PDE4A: variants seen among roughly 807,000 people sequenced by gnomAD.
PDE4A encodes the protein phosphodiesterase 4A.
Under a neutral mutation model 73.9 loss-of-function variants are expected in PDE4A, and 21 were observed. That is an observed-to-expected ratio of 0.28 (90% confidence interval 0.20 to 0.41). The LOEUF is 0.41. Among genes scored for constraint, PDE4A ranks in the 10% least tolerant of loss-of-function variants. The pLI, the probability that PDE4A is intolerant of heterozygous loss-of-function variation, is 1.00. For missense variants in PDE4A, 958 were observed against 1,211.4 expected (o/e 0.79, Z 3.10); for synonymous variants, 463 against 505.4 (o/e 0.92, Z 1.13).
intron 5 of PDE4A, 71 bp downstream of exon 5, chr19:10,450,723 C>A: frequency 6.3e-7 from 1 of 1,586,530 alleles, no homozygotes; most frequent in East Asian, 2.3e-5. Flanking sequence ...GCCCCTTCCC[C>A]ACCCAGCAGT....
At chr19:10,426,817 G>A (rs11882255) in intron 1 of PDE4A, among the ~76,000 whole-genome samples, 15,928 of 150,462 alleles carry the variant, frequency 0.11, 1,010 homozygotes, top group South Asian at 0.21. Flanking sequence ...GCAGTGAGCC[G>A]AGATTGCGCC....
At chr19:10,443,544 CAAA>C (rs58920826) in intron 1 of PDE4A, among the ~76,000 whole-genome samples, 3,984 of 120,906 alleles carry the variant, frequency 0.033, 175 homozygotes, top group African/African-American at 0.11. Context: ...GACCCTGTCT[CAAA>C]AAAAAAAAAA....
At chr19:10,450,556 G>A in intron 4 of PDE4A, 47 bp from the exon 5 acceptor site, 4 of 1,554,804 alleles carry the variant, frequency 2.6e-6, no homozygotes, top group Non-Finnish European at 3.5e-6. Flanking sequence ...GGGACCTGGT[G>A]GGGGGACCCA....
rs958978640 is a variant in PDE4A at position 10,458,744 on chromosome 19, G to A, written c.1101+642G>A. Among the ~76,000 whole-genome samples, 6 of 152,074 alleles carry A rather than the reference G, an allele frequency of 3.9e-5. No homozygotes were observed. The highest frequency in any genetic ancestry group is 1.4e-4 in the African/African-American group (6 of 41,396). Reference sequence around the variant, plus strand: ...AGCAATACTCCTGCCTCACCCTCCTGACTAGCCGGGACTAAAGGCCTGTGC... The same window carrying A: ...AGCAATACTCCTGCCTCACCCTCCTAACTAGCCGGGACTAAAGGCCTGTGC... On this transcript the variant is annotated intron_variant, in intron 8 of 14. Coordinates refer to ENST00000380702, the MANE Select transcript of PDE4A (RefSeq NM_001111307.2). The surrounding 1 kb of genome is among the most constrained non-coding windows in gnomAD (Gnocchi z 4.6).
At chr19:10,434,582 C>T (rs2042839368) in intron 1 of PDE4A, among the ~76,000 whole-genome samples, 1 of 150,784 alleles carries the variant, frequency 6.6e-6, no homozygotes. Context: ...GTGGTCTTCA[C>T]ATAAGTTTGT....
chr19:10,467,625 C>T lies in PDE4A; in HGVS notation c.*4C>T. 1 of 1,545,330 alleles carries T rather than the reference C, an allele frequency of 6.5e-7. No individual in the cohort carries two copies. Among genetic ancestry groups the T allele is most frequent in the Admixed American group, 1.9e-5 (1 of 52,542 alleles). ...GTCAGGTGGAGACCCTACCTGATCC[C>T]CAGACCTCTGTCCCTGTTCCCCTCC... On this transcript the variant is annotated 3_prime_UTR_variant, in exon 15 of 15. Transcript: ENST00000380702.
At chr19:10,459,310 C>A (rs773759554) in intron 8 of PDE4A, 90 bp from the exon 9 acceptor site, 35 of 1,589,630 alleles carry the variant, frequency 2.2e-5, no homozygotes, top group Non-Finnish European at 2.6e-5. Context: ...AATGGTGCTT[C>A]CTTCAGACCA....
At chr19:10,417,301 G>T, upstream of PDE4A, 1 of 983,828 alleles carries the variant, frequency 1.0e-6, no homozygotes, top group Non-Finnish European at 1.2e-6. Context: ...TGGGAGGGGG[G>T]CATTGACATT....
Position 10,463,964 on chromosome 19 carries a change from G to C in PDE4A, c.1915G>C (p.Glu639Gln), listed in dbSNP as rs201746419. Residue 639 changes from glutamate to glutamine, a missense_variant, in exon 14 of 15, where the codon GAG becomes CAG. Around this residue, in one of 3 missense-constraint regions of PDE4A, gnomAD observed 570 missense variants for 827.7 expected, o/e 0.69. Transcript: ENST00000380702. Reference sequence around the variant, plus strand: ...GTGTGACAAGCACACTGCCTCCGTGGAGAAGTCTCAGGTACAGGCTCGGGG... The same window carrying C: ...GTGTGACAAGCACACTGCCTCCGTGCAGAAGTCTCAGGTACAGGCTCGGGG... ...PMCDKHTASV[E>Q]KSQVGFIDYI... 2 of 1,613,988 alleles carry C rather than the reference G, an allele frequency of 1.2e-6. No homozygotes were observed. The highest frequency in any genetic ancestry group is 2.7e-5 in the African/African-American group (2 of 74,922).
chr19:10,435,540 G>A (rs1000938879), intron 1 of PDE4A, among the ~76,000 whole-genome samples: 1 of 151,148 alleles, frequency 6.6e-6, no homozygotes, highest in African/African-American at 2.4e-5. Flanking sequence ...CAGTCTGGGT[G>A]ACAGAGCAAG....
At position 10,466,317 on chromosome 19, in the gene PDE4A, C is replaced by A. The variant is rs557586028; in HGVS notation, c.1927-570C>A. Reference sequence around the variant, plus strand: ...AAAATTAGCCAGGCACGATGGCGGGCGCCTGTAGTCCCAGCTACTCGGGAG... The same window carrying A: ...AAAATTAGCCAGGCACGATGGCGGGAGCCTGTAGTCCCAGCTACTCGGGAG... On this transcript the variant is annotated intron_variant, in intron 14 of 14. Coordinates refer to ENST00000380702, the MANE Select transcript of PDE4A (RefSeq NM_001111307.2). Among the ~76,000 whole-genome samples, 13 of 148,502 alleles carry A rather than the reference C, an allele frequency of 8.8e-5. No homozygotes were observed. The South Asian group carries it at 2.1e-3, about 24-fold the overall frequency.
At chr19:10,457,809 C>A in intron 7 of PDE4A, 70 bp from the exon 8 acceptor site, 1 of 1,589,114 alleles carries the variant, frequency 6.3e-7, no homozygotes, top group South Asian at 1.1e-5. Flanking sequence ...TGGTAGTGGG[C>A]TGAAGAATAA....
intron 1 of PDE4A, among the ~76,000 whole-genome samples, chr19:10,443,677 G>T (rs2042967291): frequency 6.6e-6 from 1 of 151,962 alleles, no homozygotes; most frequent in Admixed American, 6.6e-5. Context: ...TGCCCTACAG[G>T]ACTCCAGCCT....
chr19:10,431,843 G>A (rs956282801), intron 1 of PDE4A, among the ~76,000 whole-genome samples: 3 of 152,174 alleles, frequency 2.0e-5, no homozygotes, highest in Non-Finnish European at 2.9e-5. Flanking sequence ...TCCGCAGGGT[G>A]TGTGTAGGGA....
chr19:10,447,189 C>G (rs549397529), intron 2 of PDE4A, among the ~76,000 whole-genome samples: 2 of 148,086 alleles, frequency 1.4e-5, no homozygotes, highest in Admixed American at 1.4e-4. Flanking sequence ...CATGAGCCAC[C>G]GCGCCTGGCC....
At chr19:10,445,169 G>T (rs539587834) in intron 1 of PDE4A, among the ~76,000 whole-genome samples, 1 of 152,140 alleles carries the variant, frequency 6.6e-6, no homozygotes, top group Non-Finnish European at 1.5e-5. Context: ...TTCCAAGCTC[G>T]CCCTGGTGGC....
intron 1 of PDE4A, chr19:10,427,885 T>C: frequency 2.0e-6 from 2 of 983,476 alleles, no homozygotes; most frequent in South Asian, 9.4e-5. Context: ...CAACACACTT[T>C]GGGAGGCTGA....
At chr19:10,437,375 G>A (rs908013381) in intron 1 of PDE4A, among the ~76,000 whole-genome samples, 1 of 151,944 alleles carries the variant, frequency 6.6e-6, no homozygotes, top group Non-Finnish European at 1.5e-5. Flanking sequence ...GCCCGCCTTG[G>A]CCTCCCAAAG....
rs1190644747 is a variant in PDE4A, at chr19:10,424,056, G to A, written c.320+2972G>A. Among the ~76,000 whole-genome samples, 1 of 152,198 alleles carries A rather than the reference G, an allele frequency of 6.6e-6. No homozygotes were observed. The highest frequency in any genetic ancestry group is 1.5e-5 in the Non-Finnish European group (1 of 68,030). ...CCAGCTACCGCAAAAGGAGTCCAGC[G>A]AGCTCCCCCGATTTGGGTCAAAGGA... On this transcript the variant is annotated intron_variant, in intron 1 of 14. Transcript: ENST00000380702. This position sits in a 1 kb window ranked among gnomAD's most constrained non-coding sequence, Gnocchi z 4.8.
Sources: gnomAD v4.1 joint callset for allele counts (sites outside exome capture counted in the v4.1 genomes callset) on GRCh38, gnomAD v4.1.1 for gene constraint, gnomAD v4.1.1 regional missense constraint, Gnocchi (gnomAD v3.1) non-coding constraint, MANE v1.5 for transcripts, NCBI Gene and HGNC (gene_info 2026-07-23, HGNC 2026-07-21) for gene names.